TPP2: variants seen among roughly 807,000 people sequenced by gnomAD.
TPP2 encodes tripeptidyl peptidase 2.
A neutral mutation model predicts 155.9 loss-of-function variants in TPP2; 34 were observed. The observed-to-expected ratio is 0.22, with a 90% CI of 0.17 to 0.29. The LOEUF (loss-of-function observed/expected upper bound fraction) is 0.29, where lower values mean the gene tolerates loss of function less well. Ranked by LOEUF, TPP2 falls within the 10% of genes least tolerant of loss-of-function variation. The pLI, the probability that TPP2 is intolerant of heterozygous loss-of-function variation, is 1.00. For synonymous variants in TPP2, 510 were observed against 529.4 expected (o/e 0.96, Z 0.50); for missense variants, 1,028 against 1,522.3 (o/e 0.68, Z 5.40).
In TPP2 at chr13:102,599,457, T is replaced by C. The variant is rs77350275; in HGVS notation, c.165+2254T>C. Among the ~76,000 whole-genome samples, 1,365 of 151,608 alleles carry C rather than the reference T, an allele frequency of 9.0e-3. 20 individuals carry two copies. The highest frequency in any genetic ancestry group is 0.027 in the African/African-American group (1,134 of 41,304). ...TGTGTACATCATTAAGATTAGAGGA[T>C]GGATAGAAAGAAAAAGGAAGGAAAG... is the stretch of plus-strand genomic sequence containing the variant. On this transcript the variant is annotated intron_variant, in intron 1 of 29. Coordinates refer to ENST00000376052, the MANE Select transcript of TPP2 (RefSeq NM_001330588.2).
At chr13:102,629,660 A>C in intron 9 of TPP2, 51 bp downstream of exon 9, 1 of 1,534,492 alleles carries the variant, frequency 6.5e-7, no homozygotes, top group Non-Finnish European at 8.7e-7. Context: ...GCAAACAAAA[A>C]ACAATAGTTA....
chr13:102,658,024 A>G (rs1883970344), intron 25 of TPP2, among the ~76,000 whole-genome samples: 1 of 152,312 alleles, frequency 6.6e-6, no homozygotes, highest in Non-Finnish European at 1.5e-5. Flanking sequence ...CTATTCAGAC[A>G]TTAGGTGTTT....
At chr13:102,619,357 T>G (rs1016146276) in intron 5 of TPP2, among the ~76,000 whole-genome samples, 1 of 152,144 alleles carries the variant, frequency 6.6e-6, no homozygotes, top group South Asian at 2.1e-4. Context: ...TAGTCTGCCT[T>G]CTTGAGTTAC....
intron 1 of TPP2, among the ~76,000 whole-genome samples, chr13:102,602,546 T>A (rs955279903): frequency 1.4e-4 from 22 of 152,324 alleles, no homozygotes; most frequent in African/African-American, 7.2e-5. Flanking sequence ...GGCCCTCAGT[T>A]GTTCCATGGC....
chr13:102,616,303 A>G (rs1271528447), intron 3 of TPP2, 93 bp from the exon 4 acceptor site: 1 of 1,047,618 alleles, frequency 9.5e-7, no homozygotes, highest in African/African-American at 1.6e-5. Flanking sequence ...GTAGTATCAC[A>G]ACTGTACCAA....
At chr13:102,649,367 C>A (rs377589275) in intron 22 of TPP2, 41 bp from the exon 23 acceptor site, 2 of 1,576,780 alleles carry the variant, frequency 1.3e-6, no homozygotes, top group African/African-American at 2.8e-5. Flanking sequence ...GTGAAACTTT[C>A]TCTTTTGTTG....
intron 28 of TPP2, among the ~76,000 whole-genome samples, 158 bp downstream of exon 28, chr13:102,674,648 C>T (rs540828445): frequency 5.3e-4 from 81 of 152,306 alleles, no homozygotes; most frequent in Non-Finnish European, 9.1e-4. Flanking sequence ...ATGTTTGTCT[C>T]ACCTTTTTTT....
At chr13:102,658,711 A>G (rs629801) in intron 25 of TPP2, among the ~76,000 whole-genome samples, 75,486 of 151,984 alleles carry the variant, frequency 0.5, 19,139 homozygotes, top group African/African-American at 0.6. Flanking sequence ...CTCCCAGTTA[A>G]TGAGCCAGAA....
intron 14 of TPP2, 150 bp downstream of exon 14, chr13:102,637,389 T>G (rs1882450985): frequency 3.6e-6 from 3 of 829,990 alleles, no homozygotes; most frequent in Non-Finnish European, 5.3e-6. Context: ...TCTTCTGGTG[T>G]GTCTATATTC....
chr13:102,639,070 G>C (rs1351073861), intron 15 of TPP2, among the ~76,000 whole-genome samples: 5 of 152,190 alleles, frequency 3.3e-5, no homozygotes, highest in African/African-American at 1.2e-4. Flanking sequence ...GGTCATCCCT[G>C]GGTGAAGGGA....
chr13:102,615,501 A>T (rs555928675), intron 3 of TPP2, among the ~76,000 whole-genome samples: 100 of 152,202 alleles, frequency 6.6e-4, no homozygotes, highest in Non-Finnish European at 1.3e-3. Context: ...GATGTGATTT[A>T]ATATGCAAAT....
intron 27 of TPP2, among the ~76,000 whole-genome samples, chr13:102,668,077 A>G (rs1204657213): frequency 6.6e-6 from 1 of 152,230 alleles, no homozygotes; most frequent in Non-Finnish European, 1.5e-5. Flanking sequence ...GAATGATCAA[A>G]GGTTGGTTTT....
chr13:102,643,195 G>A, intron 16 of TPP2, 27 bp from the exon 17 acceptor site: 2 of 1,532,824 alleles, frequency 1.3e-6, no homozygotes, highest in Non-Finnish European at 1.7e-6. Context: ...TAAGTTTAAA[G>A]CTTTGCTTCT....
intron 21 of TPP2, 50 bp from the exon 22 acceptor site, chr13:102,648,857 G>A (rs777985458): frequency 2.2e-5 from 34 of 1,536,502 alleles, no homozygotes; most frequent in Admixed American, 4.3e-5. Flanking sequence ...AGTGATTTCC[G>A]TTGACTTGGT....
Position 102,604,677 on chromosome 13 carries a change from C to T in TPP2, c.166-116C>T, listed in dbSNP as rs181141993. Reference sequence around the variant, plus strand: ...TTTTGGCTTAAAACAGTTCAGTTCTCTTTTTTAAGTGAATGTAGATTTTGT... The same window carrying T: ...TTTTGGCTTAAAACAGTTCAGTTCTTTTTTTTAAGTGAATGTAGATTTTGT... On this transcript the variant is annotated intron_variant, in intron 1 of 29. Transcript: ENST00000376052. 98 of 1,250,410 alleles carry T rather than the reference C, an allele frequency of 7.8e-5. No individual in the cohort carries two copies. The East Asian group carries it at 2.3e-3, about 30-fold the overall frequency. 77.5% of individuals were successfully genotyped at this position (1,250,410 alleles called of 1,614,324 possible).
chr13:102,626,920 C>A, intron 6 of TPP2, 92 bp from the exon 7 acceptor site: 2 of 1,319,252 alleles, frequency 1.5e-6, no homozygotes, highest in Middle Eastern at 2.0e-4. Context: ...AATGTGTATT[C>A]TTTTTATCAT....
chr13:102,661,367 C>T (rs763099941), intron 25 of TPP2, among the ~76,000 whole-genome samples: 12 of 150,008 alleles, frequency 8.0e-5, no homozygotes, highest in Non-Finnish European at 1.5e-4. Flanking sequence ...CTTCCCACTT[C>T]AGCCTCCCAA....
chr13:102,648,429 CGTGTGTGTGT>C (rs56934655), intron 21 of TPP2, among the ~76,000 whole-genome samples: 148 of 148,064 alleles, frequency 1.0e-3, no homozygotes, highest in Middle Eastern at 3.5e-3. Context: ...ATAAGTTACA[CGTGTGTGTGT>C]GTGTGTGTGT....
In TPP2 at chr13:102,649,045, C is replaced by T. The variant is rs768446552; in HGVS notation, c.2767C>T (p.His923Tyr). 1.2e-6 allele frequency: 2 copies of T among 1,613,730 alleles called. No individual in the cohort carries two copies. The highest frequency in any genetic ancestry group is 1.1e-5 in the South Asian group (1 of 90,998). Reference sequence around the variant, plus strand: ...GTCTAATACCTTGAGCTTAGATATTCATGAAAATCATAGTTTTGCACTTCT... The same window carrying T: ...GTCTAATACCTTGAGCTTAGATATTTATGAAAATCATAGTTTTGCACTTCT... ...RLSNTLSLDI[H>Y]ENHSFALLGK... The change falls in exon 22 of 30, where the codon CAT (histidine) becomes TAT (tyrosine). Residue 923 changes from histidine (H) to tyrosine (Y), a missense_variant. By Grantham distance (83) the His-to-Tyr change is moderately conservative. Coordinates refer to ENST00000376052, the MANE Select transcript of TPP2 (RefSeq NM_001330588.2).
Sources: gnomAD v4.1 joint callset for allele counts (sites outside exome capture counted in the v4.1 genomes callset) on GRCh38, gnomAD v4.1.1 for gene constraint, MANE v1.5 for transcripts, NCBI Gene and HGNC (gene_info 2026-07-23, HGNC 2026-07-21) for gene names.